ROBO2: variants seen among roughly 807,000 people sequenced by gnomAD.
ROBO2 encodes the protein roundabout guidance receptor 2, also known as roundabout homolog 2.
In ROBO2, 53 loss-of-function variants were observed where a neutral mutation model predicts 160.8. The observed-to-expected ratio is 0.33, with a 90% CI of 0.26 to 0.41. ROBO2 has a LOEUF of 0.41. ROBO2 is among the 10% of genes least tolerant of loss of function. The pLI is 1.00. For missense variants in ROBO2, 1,577 were observed against 1,722.4 expected, an observed-to-expected ratio of 0.92 and a Z score of 1.49; for synonymous variants, 664 against 611.7, an observed-to-expected ratio of 1.09 and a Z score of -1.26.
rs934214580 is a variant in ROBO2 at position 76,864,837 on chromosome 3, G to A, written c.110-233177G>A. On this transcript the variant is annotated intron_variant, in intron 2 of 26. Coordinates refer to the ROBO2 transcript ENST00000487694. ...AGACAAACTATTTTCCATCTAAGCTGTAAAAGTTAGCTAAATAGATTTGTA... is the reference window on the plus strand; with the variant it reads ...AGACAAACTATTTTCCATCTAAGCTATAAAAGTTAGCTAAATAGATTTGTA... 2.6e-5 allele frequency among the ~76,000 whole-genome samples: 4 copies of A among 152,052 alleles called. No individual in the cohort carries two copies. In the South Asian group the frequency reaches 6.2e-4, roughly 24 times the overall value.
At chr3:76,294,225 G>A (rs1237640304) in intron 2 of ROBO2, among the ~76,000 whole-genome samples, 1 of 152,164 alleles carries the variant, frequency 6.6e-6, no homozygotes, top group Non-Finnish European at 1.5e-5. Flanking sequence ...CTCCCAGAGT[G>A]CAGAGATGCC....
chr3:76,849,821 A>T (rs1039255237), intron 2 of ROBO2, among the ~76,000 whole-genome samples: 1 of 152,218 alleles, frequency 6.6e-6, no homozygotes, highest in African/African-American at 2.4e-5. Context: ...TGCCATCTTG[A>T]CAAGATTAAA....
chr3:76,851,579 C>T (rs1019335452), intron 2 of ROBO2, among the ~76,000 whole-genome samples: 2 of 149,082 alleles, frequency 1.3e-5, no homozygotes, highest in African/African-American at 5.0e-5. Context: ...ACTAAAAATA[C>T]AAAAAATTAG....
At chr3:77,579,159 G>T (rs1559653582) in intron 15 of ROBO2, among the ~76,000 whole-genome samples, 2 of 152,042 alleles carry the variant, frequency 1.3e-5, no homozygotes, top group Admixed American at 6.6e-5. Context: ...ATACAAATGT[G>T]GATACACAGT....
At chr3:77,647,826 A>G (rs2095422632) in exon 26 of ROBO2, 1 of 152,162 alleles carries the variant, frequency 6.6e-6, no homozygotes. Context: ...CCTTTGAGTG[A>G]CAATTCGCAC....
At position 77,246,435 on chromosome 3, in the gene ROBO2, C is replaced by G. The variant is rs554125645; in HGVS notation, c.388+148095C>G. On this transcript the variant is annotated intron_variant, in intron 2 of 25. Coordinates refer to ENST00000461745, the Ensembl canonical transcript of ROBO2. ...AATCCTGAGATTTTGTGGCTACACT[C>G]ACTTTAAACCCAAATATGTGGGTTG... is the stretch of plus-strand genomic sequence containing the variant. 2.0e-5 allele frequency among the ~76,000 whole-genome samples: 3 copies of G among 151,970 alleles called. No individual in the cohort carries two copies. In the South Asian group the frequency reaches 6.2e-4, roughly 32 times the overall value.
chr3:76,950,115 G>C (rs2078869234), intron 2 of ROBO2, among the ~76,000 whole-genome samples: 1 of 152,188 alleles, frequency 6.6e-6, no homozygotes, highest in African/African-American at 2.4e-5. Context: ...GCAGTTCACA[G>C]AGGCTGGAGA....
At chr3:75,967,862 A>G (rs1949173795) in intron 2 of ROBO2, among the ~76,000 whole-genome samples, 1 of 151,490 alleles carries the variant, frequency 6.6e-6, no homozygotes, top group Non-Finnish European at 1.5e-5. Flanking sequence ...TAAAAACAGT[A>G]ACTAGGATGC....
At chr3:77,611,104 C>T (rs2094629297) in intron 21 of ROBO2, among the ~76,000 whole-genome samples, 1 of 151,930 alleles carries the variant, frequency 6.6e-6, no homozygotes, top group Non-Finnish European at 1.5e-5. Flanking sequence ...CGAGACCATC[C>T]TGGCTAACAC....
chr3:76,334,586 C>T (rs141553834), intron 2 of ROBO2, among the ~76,000 whole-genome samples: 2,284 of 152,060 alleles, frequency 0.015, 26 homozygotes, highest in Middle Eastern at 0.034. Context: ...GAAAGGGAAG[C>T]GGGAGCAAGA....
At chr3:76,092,401 C>T (rs1278367721) in intron 2 of ROBO2, among the ~76,000 whole-genome samples, 1 of 152,080 alleles carries the variant, frequency 6.6e-6, no homozygotes, top group African/African-American at 2.4e-5. Flanking sequence ...AAATAGCTAA[C>T]CAATCATCAA....
chr3:77,478,889 C>A (rs2084354634), intron 3 of ROBO2, among the ~76,000 whole-genome samples: 2 of 152,124 alleles, frequency 1.3e-5, no homozygotes, highest in Non-Finnish European at 2.9e-5. Context: ...TCCCTTCACC[C>A]TCTAAAGGTT....
chr3:76,687,802 T>G, intron 2 of ROBO2, among the ~76,000 whole-genome samples: 1 of 151,988 alleles, frequency 6.6e-6, no homozygotes, highest in Non-Finnish European at 1.5e-5. Context: ...ACCAAAAATG[T>G]CAAATCAATA....
At chr3:76,949,111 A>G (rs568332190) in intron 2 of ROBO2, among the ~76,000 whole-genome samples, 1 of 150,850 alleles carries the variant, frequency 6.6e-6, no homozygotes, top group South Asian at 2.1e-4. Flanking sequence ...TCCCTACTTA[A>G]TTTTTTTCCT....
At chr3:77,011,306 G>A (rs1013885037) in intron 2 of ROBO2, among the ~76,000 whole-genome samples, 17 of 152,144 alleles carry the variant, frequency 1.1e-4, no homozygotes, top group African/African-American at 3.6e-4. Context: ...CCTATAGTAG[G>A]CCTTCAATAA....
intron 2 of ROBO2, among the ~76,000 whole-genome samples, chr3:76,199,768 G>A (rs762570056): frequency 2.6e-5 from 4 of 152,170 alleles, no homozygotes; most frequent in South Asian, 2.1e-4. Flanking sequence ...CCAAATATGC[G>A]TCTCAACTCG....
chr3:77,006,258 C>T (rs2061571185), intron 2 of ROBO2, among the ~76,000 whole-genome samples: 1 of 151,012 alleles, frequency 6.6e-6, no homozygotes. Context: ...AAAATAGACA[C>T]ATATAATGTA....
At chr3:77,126,367 C>T (rs1003977869) in intron 2 of ROBO2, among the ~76,000 whole-genome samples, 1 of 152,190 alleles carries the variant, frequency 6.6e-6, no homozygotes, top group Non-Finnish European at 1.5e-5. Flanking sequence ...GTTTGATCCA[C>T]AATTGGCCTA....
At chr3:76,721,891 C>T (rs923494607) in intron 2 of ROBO2, among the ~76,000 whole-genome samples, 9 of 152,206 alleles carry the variant, frequency 5.9e-5, no homozygotes, top group East Asian at 1.9e-4. Context: ...AAGAAACTTG[C>T]GTGTATGTAT....
Sources: allele counts gnomAD v4.1 joint callset (sites outside exome capture counted in the v4.1 genomes callset), GRCh38; gene constraint gnomAD v4.1.1; transcripts MANE v1.5; gene names NCBI Gene and HGNC (gene_info 2026-07-23, HGNC 2026-07-21).